BTBD9: variants seen among roughly 807,000 people sequenced by gnomAD.
BTBD9 encodes the protein BTB domain containing 9, also known as BTB/POZ domain-containing protein 9.
In BTBD9, 49 loss-of-function variants were observed where a neutral mutation model predicts 64.3. The observed-to-expected ratio is 0.76, with a 90% confidence interval of 0.61 to 0.97. The LOEUF is 0.97. Ranked by LOEUF, BTBD9 falls within the 50% of genes least tolerant of loss-of-function variation. The pLI is 0.00. For missense variants in BTBD9, 598 were observed against 762.1 expected, an observed-to-expected ratio of 0.78 and a Z score of 2.53; for synonymous variants, 260 against 274.7, an observed-to-expected ratio of 0.95 and a Z score of 0.53.
At chr6:38,297,646 T>C (rs1762207031) in intron 7 of BTBD9, among the ~76,000 whole-genome samples, 1 of 152,172 alleles carries the variant, frequency 6.6e-6, no homozygotes, top group African/African-American at 2.4e-5. Context: ...TCTATTTTTC[T>C]GGTCTCTTGT....
chr6:38,361,860 C>T (rs1363411111), intron 6 of BTBD9, among the ~76,000 whole-genome samples: 1 of 139,108 alleles, frequency 7.2e-6, no homozygotes, highest in African/African-American at 2.6e-5. Flanking sequence ...CAAAAAACAA[C>T]ACCACAGGAA....
At chr6:38,182,322 T>C (rs994607503) in intron 10 of BTBD9, among the ~76,000 whole-genome samples, 2 of 152,234 alleles carry the variant, frequency 1.3e-5, no homozygotes, top group Non-Finnish European at 2.9e-5. Context: ...CTGTTTTTTA[T>C]GTGTGTACAC....
At chr6:38,380,919 G>C (rs1226580947) in intron 6 of BTBD9, among the ~76,000 whole-genome samples, 1 of 151,712 alleles carries the variant, frequency 6.6e-6, no homozygotes, top group Non-Finnish European at 1.5e-5. Flanking sequence ...TGTTAGAATA[G>C]CAAATTAAAA....
intron 4 of BTBD9, chr6:38,587,584 T>C (rs888856244): frequency 8.8e-6 from 5 of 571,206 alleles, no homozygotes; most frequent in East Asian, 8.1e-5. Flanking sequence ...GACACTGAAA[T>C]TGACATTATT....
intron 6 of BTBD9, among the ~76,000 whole-genome samples, chr6:38,427,733 A>G (rs1196386767): frequency 6.6e-6 from 1 of 152,002 alleles, no homozygotes; most frequent in Non-Finnish European, 1.5e-5. Flanking sequence ...AAAATCCACA[A>G]AGATCTGTTT....
intron 6 of BTBD9, among the ~76,000 whole-genome samples, chr6:38,385,145 T>C (rs1766096909): frequency 6.8e-6 from 1 of 147,836 alleles, no homozygotes; most frequent in Non-Finnish European, 1.5e-5. Flanking sequence ...TTATTTCACT[T>C]ACTTTTGTAA....
Position 38,287,105 on chromosome 6 carries a change from A to AAAAAAC in BTBD9, c.1454+1166_1454+1167insGTTTTT, listed in dbSNP as rs1554135407. On this transcript the variant is annotated intron_variant, in intron 8 of 10. Transcript: ENST00000481247. ...CTCAAAAAAAAAAAAAAAAAAAAAA[A>AAAAAAC]ATATACACACACACACACACACACA... Among the ~76,000 whole-genome samples, 10 of 100,240 alleles carry AAAAAAC rather than the reference A, an allele frequency of 1.0e-4. 1 individual carries two copies. The highest frequency in any genetic ancestry group is 2.0e-4 in the African/African-American group (5 of 24,516). 65.8% of individuals were successfully genotyped at this position (100,240 alleles called of 152,430 possible).
chr6:38,538,563 A>G (rs148438500), intron 6 of BTBD9, among the ~76,000 whole-genome samples: 219 of 152,230 alleles, frequency 1.4e-3, no homozygotes, highest in African/African-American at 5.1e-3. Flanking sequence ...CAATACCCCC[A>G]AATTATTATC....
At chr6:38,416,882 T>C (rs1025529106) in intron 6 of BTBD9, among the ~76,000 whole-genome samples, 6 of 152,164 alleles carry the variant, frequency 3.9e-5, no homozygotes, top group South Asian at 2.1e-4. Context: ...CATTGCTCTA[T>C]GTGTGACATG....
intron 7 of BTBD9, among the ~76,000 whole-genome samples, chr6:38,291,255 A>T (rs963289232): frequency 1.3e-5 from 2 of 152,188 alleles, no homozygotes; most frequent in African/African-American, 4.8e-5. Flanking sequence ...TCTTTGTAGC[A>T]ATTGTGAATG....
At chr6:38,572,996 A>T (rs1369077889) in intron 6 of BTBD9, among the ~76,000 whole-genome samples, 2 of 152,102 alleles carry the variant, frequency 1.3e-5, no homozygotes, top group African/African-American at 4.8e-5. Context: ...CAAAAGGATA[A>T]TGTCATATAT....
At chr6:38,287,683 T>C (rs1172254313) in intron 8 of BTBD9, among the ~76,000 whole-genome samples, 1 of 152,190 alleles carries the variant, frequency 6.6e-6, no homozygotes, top group African/African-American at 2.4e-5. Flanking sequence ...AATGACAAAA[T>C]TGGCTGACAG....
At chr6:38,378,618 A>T (rs1487850395) in intron 6 of BTBD9, among the ~76,000 whole-genome samples, 1 of 151,422 alleles carries the variant, frequency 6.6e-6, no homozygotes, top group Non-Finnish European at 1.5e-5. Flanking sequence ...TCATGCCTGT[A>T]ATCCCAGCAC....
chr6:38,545,465 A>C (rs1774489576), intron 6 of BTBD9, among the ~76,000 whole-genome samples: 1 of 152,112 alleles, frequency 6.6e-6, no homozygotes, highest in African/African-American at 2.4e-5. Context: ...ACTAAGAAAC[A>C]CTGAATTGCA....
chr6:38,313,097 T>A (rs1762900561), intron 7 of BTBD9, among the ~76,000 whole-genome samples: 1 of 152,216 alleles, frequency 6.6e-6, no homozygotes, highest in African/African-American at 2.4e-5. Flanking sequence ...TGTTTTATAG[T>A]TTTCATTGTA....
At chr6:38,441,464 C>T (rs564337217) in intron 6 of BTBD9, among the ~76,000 whole-genome samples, 4 of 152,120 alleles carry the variant, frequency 2.6e-5, no homozygotes, top group African/African-American at 4.8e-5. Context: ...GTCTGTCGTC[C>T]GGGCTGGACA....
intron 9 of BTBD9, among the ~76,000 whole-genome samples, chr6:38,239,905 C>T (rs1166839249): frequency 2.6e-5 from 4 of 152,208 alleles, no homozygotes; most frequent in African/African-American, 4.8e-5. Flanking sequence ...ACAAACTGAA[C>T]GTCACACTTA....
rs1562361127 is a variant in BTBD9, at chr6:38,574,393, G to GT, written c.1154+3206dup. ...ATAGGCCGGTTGTTAAGATAAAACTGTTTAAGGCATGTTTTGGACTGTATG... is the reference window on the plus strand; with the variant it reads ...ATAGGCCGGTTGTTAAGATAAAACTGTTTTAAGGCATGTTTTGGACTGTATG... On this transcript the variant is annotated intron_variant, in intron 6 of 10. Coordinates refer to ENST00000481247, the MANE Select transcript of BTBD9 (RefSeq NM_001099272.2). Among the ~76,000 whole-genome samples, 3 of 152,068 alleles carry GT rather than the reference G, an allele frequency of 2.0e-5. 1 individual carries two copies. Among genetic ancestry groups the GT allele is most frequent in the Non-Finnish European group, 4.4e-5 (3 of 68,012 alleles).
intron 9 of BTBD9, among the ~76,000 whole-genome samples, chr6:38,218,344 C>T (rs1481435774): frequency 6.6e-6 from 1 of 152,136 alleles, no homozygotes; most frequent in Admixed American, 6.5e-5. Flanking sequence ...CCTGTTCTAC[C>T]CAATCCTCTG....
Sources: allele counts gnomAD v4.1 joint callset (sites outside exome capture counted in the v4.1 genomes callset), GRCh38; gene constraint gnomAD v4.1.1; transcripts MANE v1.5; gene names NCBI Gene and HGNC (gene_info 2026-07-23, HGNC 2026-07-21).